Variants in UBE2J2 observed in about 807,000 individuals in gnomAD.
UBE2J2 encodes ubiquitin-conjugating enzyme E2 J2.
Under a neutral mutation model 28.6 loss-of-function variants are expected in UBE2J2, and 5 were observed. The observed-to-expected ratio is 0.17, with a 90% CI of 0.09 to 0.37. The LOEUF is 0.37. Ranked by LOEUF, UBE2J2 falls within the 10% of genes least tolerant of loss-of-function variation. The probability of loss-of-function intolerance (pLI) is 1.00; values close to 1 mark genes in which losing one functional copy is unlikely to be tolerated. For synonymous variants in UBE2J2, 138 were observed against 139.7 expected (o/e 0.99, Z 0.09); for missense variants, 226 against 338.9 (o/e 0.67, Z 2.62).
Position 1,257,006 on chromosome 1 carries a change from T to A in UBE2J2, c.400A>T (p.Thr134Ser), listed in dbSNP as rs542606779. Residue 134 changes from threonine (T) to serine (S), a missense_variant, in exon 5 of 7, where the codon ACG becomes TCG. By Grantham distance (58) the Thr-to-Ser change is moderately conservative. Around this residue, in one of 3 missense-constraint regions of UBE2J2, gnomAD observed 13 missense variants for 63.0 expected, o/e 0.21. Transcript: ENST00000349431. ...EKGPTLGSIE[T>S]SDFTKRQLAV... ...CTAAAACTTACCGTGAAGTCCGACGTCTCTATACTGCCCAGGGTGGGGCCC... is the reference window on the plus strand; with the variant it reads ...CTAAAACTTACCGTGAAGTCCGACGACTCTATACTGCCCAGGGTGGGGCCC... The A allele has an allele frequency of 6.3e-7, 1 of 1,592,080 alleles. No homozygotes were observed. The highest frequency in any genetic ancestry group is 8.6e-7 in the Non-Finnish European group (1 of 1,168,996).
Position 1,268,635 on chromosome 1 carries a change from G to A in UBE2J2, c.1-643C>T, listed in dbSNP as rs1305623582. On this transcript the variant is annotated intron_variant, in intron 1 of 6. Transcript: ENST00000349431. The surrounding 1 kb of genome is among the most constrained non-coding windows in gnomAD (Gnocchi z 4.7). ...ACCTGAGAAAGTGCAGTGTGCAAGGGCCCAAGCACAGTGAGGGCAGGGATA... is the reference window on the plus strand; with the variant it reads ...ACCTGAGAAAGTGCAGTGTGCAAGGACCCAAGCACAGTGAGGGCAGGGATA... Among the ~76,000 whole-genome samples, 1 of 152,200 alleles carries A rather than the reference G, an allele frequency of 6.6e-6. No individual in the cohort carries two copies. The highest frequency in any genetic ancestry group is 1.5e-5 in the Non-Finnish European group (1 of 68,038).
At chr1:1,256,452 CG>C (rs1639178388) in intron 5 of UBE2J2, 1 of 291,420 alleles carries the variant, frequency 3.4e-6, no homozygotes, top group African/African-American at 2.2e-5. Context: ...GAGCCCCTGG[CG>C]GGTGTGGATG....
chr1:1,267,279 G>T (rs1345190111), intron 2 of UBE2J2, among the ~76,000 whole-genome samples: 1 of 141,810 alleles, frequency 7.1e-6, no homozygotes, highest in East Asian at 1.9e-4. Flanking sequence ...CTATACTTCA[G>T]CAAGGGGGAG....
chr1:1,263,383 G>A lies in UBE2J2; in HGVS notation c.135C>T (p.His45=), dbSNP rs1355442289. The part of the protein sequence containing the change: ...EPLPSNILEW[H]YVVRGPEMTP... ...TCATCTCTGGGCCTCGGACGACATA[G>A]TGCCTAAGGGAGAGAAGAAAATTAC... Residue 45 remains histidine, a synonymous_variant, in exon 3 of 7, where the codon CAC becomes CAT. Transcript: ENST00000349431. The A allele has an allele frequency of 6.2e-7, 1 of 1,612,954 alleles. No homozygotes were observed. Among genetic ancestry groups the A allele is most frequent in the East Asian group, 2.2e-5 (1 of 44,882 alleles).
Position 1,272,770 on chromosome 1 carries a change from G to A in UBE2J2, c.-1+896C>T, listed in dbSNP as rs142080482. Reference sequence around the variant, plus strand: ...CTAAGGAGGTCAGCGGTGCCAGGCCGTGCAGATGACGGACTGCAAGTTCCG... The same window carrying A: ...CTAAGGAGGTCAGCGGTGCCAGGCCATGCAGATGACGGACTGCAAGTTCCG... On this transcript the variant is annotated intron_variant, in intron 1 of 6. Coordinates refer to ENST00000349431, the MANE Select transcript of UBE2J2 (RefSeq NM_058167.3). The A allele has an allele frequency of 9.0e-4, 143 of 159,582 alleles. 3 individuals carry two copies. The East Asian group carries it at 0.025, about 28-fold the overall frequency. 9.9% of individuals were successfully genotyped at this position (159,582 alleles called of 1,614,324 possible). A position where few individuals can be genotyped will look rare whatever the true frequency, so the allele number is the denominator to read the frequency against.
chr1:1,257,632 C>T (rs986613243), intron 3 of UBE2J2, among the ~76,000 whole-genome samples: 8 of 151,142 alleles, frequency 5.3e-5, no homozygotes, highest in Non-Finnish European at 1.0e-4. Flanking sequence ...CCTGGAGTGT[C>T]CACACACACC....
intron 2 of UBE2J2, among the ~76,000 whole-genome samples, chr1:1,265,603 TTGTGTGTGTG>T (rs57125925): frequency 0.018 from 2,208 of 120,992 alleles, 34 homozygotes; most frequent in African/African-American, 0.041. Context: ...TTTCTCTCCA[TTGTGTGTGTG>T]TGTGTGTGTG....
chr1:1,261,819 T>G (rs1011875769), intron 3 of UBE2J2, among the ~76,000 whole-genome samples: 1 of 151,612 alleles, frequency 6.6e-6, no homozygotes, highest in Non-Finnish European at 1.5e-5. Flanking sequence ...GCTAATTTTT[T>G]GTATTTTTTT....
intron 2 of UBE2J2, chr1:1,266,416 A>T (rs920240253): frequency 1.1e-5 from 2 of 188,536 alleles, no homozygotes; most frequent in African/African-American, 4.7e-5. Context: ...ATATGGTGAA[A>T]CCCCATCTCT....
At chr1:1,263,595 C>T in intron 2 of UBE2J2, 1 of 532,024 alleles carries the variant, frequency 1.9e-6, no homozygotes. Context: ...GTAACAGGAT[C>T]TTAGAGACTA....
At chr1:1,262,100 G>A (rs1351722997) in intron 3 of UBE2J2, 9 of 312,900 alleles carry the variant, frequency 2.9e-5, no homozygotes, top group Admixed American at 1.4e-4. Flanking sequence ...CAGATGATCC[G>A]CCCACCTCAG....
intron 2 of UBE2J2, among the ~76,000 whole-genome samples, chr1:1,264,364 G>A (rs189609701): frequency 2.6e-5 from 4 of 152,238 alleles, no homozygotes; most frequent in Non-Finnish European, 5.9e-5. Flanking sequence ...AGAGAAGAAA[G>A]TAAAACCAGC....
rs112951404 is a variant in UBE2J2 at position 1,265,564 on chromosome 1, C to CGTGT, written c.132-2182_132-2179dup. On this transcript the variant is annotated intron_variant, in intron 2 of 6. Transcript: ENST00000349431. The stretch of plus-strand genomic sequence containing the variant: ...CCGCTGGCTGACTGCAGTTTTCTCT[C>CGTGT]GTGTGTGTGTGTGTGTGTGTGTGTG... Among the ~76,000 whole-genome samples the CGTGT allele has an allele frequency of 3.6e-3, 511 of 143,318 alleles. 5 individuals are homozygous for CGTGT. Among genetic ancestry groups the CGTGT allele is most frequent in the African/African-American group, 5.5e-3 (212 of 38,372 alleles). The allele number at this position is 143,318 out of a possible 152,430, so 94.0% of individuals were successfully genotyped here. A position where few individuals can be genotyped will look rare whatever the true frequency, so the allele number is the denominator to read the frequency against.
chr1:1,272,607 G>GCACCTGCCTGGGT (rs1553157894), intron 1 of UBE2J2, among the ~76,000 whole-genome samples: 2 of 143,878 alleles, frequency 1.4e-5, no homozygotes, highest in African/African-American at 5.8e-5. Flanking sequence ...ACTCACACAT[G>GCACCTGCCTGGGT]CACCTGCCTG....
intron 1 of UBE2J2, among the ~76,000 whole-genome samples, chr1:1,272,586 A>G (rs139071187): frequency 1.3e-5 from 2 of 150,176 alleles, no homozygotes; most frequent in African/African-American, 5.0e-5. Flanking sequence ...GAAATGGGAC[A>G]CTCACCTGCG....
At chr1:1,270,359 G>C (rs1012373559) in intron 1 of UBE2J2, among the ~76,000 whole-genome samples, 3 of 152,122 alleles carry the variant, frequency 2.0e-5, no homozygotes. Flanking sequence ...ACCACCAGCA[G>C]CCTGTTTAGT....
Position 1,256,307 on chromosome 1 carries a change from A to G in UBE2J2, c.415-182T>C, listed in dbSNP as rs376772232. The G allele has an allele frequency of 2.6e-5, 14 of 544,564 alleles. No individual in the cohort carries two copies. In the African/African-American group the frequency reaches 2.7e-4, roughly 10 times the overall value. The allele number at this position is 544,564 out of a possible 1,614,324, so 33.7% of individuals were successfully genotyped here. A position where few individuals can be genotyped will look rare whatever the true frequency, so the allele number is the denominator to read the frequency against. On this transcript the variant is annotated intron_variant, in intron 5 of 6. Coordinates refer to ENST00000349431, the MANE Select transcript of UBE2J2 (RefSeq NM_058167.3). ...AAGCCTTCTTAATCTTCCCCCCATC[A>G]ATTCATGATATCACACTTGATTCCT...
chr1:1,260,410 G>A (rs550014576), intron 3 of UBE2J2, among the ~76,000 whole-genome samples: 4 of 152,344 alleles, frequency 2.6e-5, no homozygotes, highest in African/African-American at 7.2e-5. Flanking sequence ...AGAGGGTGCT[G>A]GGAGATGGAC....
At chr1:1,267,665 T>C in intron 2 of UBE2J2, 197 bp downstream of exon 2, 2 of 1,334,764 alleles carry the variant, frequency 1.5e-6, no homozygotes, top group Admixed American at 3.0e-5. Context: ...GGCTCTGTGA[T>C]GTCCCCGGCA....
Sources: gnomAD v4.1 joint callset for allele counts (sites outside exome capture counted in the v4.1 genomes callset) on GRCh38, gnomAD v4.1.1 for gene constraint, gnomAD v4.1.1 regional missense constraint, Gnocchi (gnomAD v3.1) non-coding constraint, MANE v1.5 for transcripts, NCBI Gene and HGNC (gene_info 2026-07-23, HGNC 2026-07-21) for gene names.